Variants in COL25A1 observed in about 807,000 individuals in gnomAD.
COL25A1 encodes the protein collagen type XXV alpha 1 chain.
COL25A1 carries 103 observed loss-of-function variants against 128.4 expected under a neutral mutation model. The observed-to-expected ratio is 0.80, with a 90% CI of 0.68 to 0.94. COL25A1 has a LOEUF of 0.94. Ranked by LOEUF, COL25A1 falls within the 40% of genes least tolerant of loss-of-function variation. The pLI is 0.00. For missense variants in COL25A1, 745 were observed against 840.0 expected (o/e 0.89, Z 1.40); for synonymous variants, 279 against 277.2 (o/e 1.01, Z -0.06).
chr4:108,906,008 G>A (rs1479577817), intron 13 of COL25A1, among the ~76,000 whole-genome samples: 4 of 152,106 alleles, frequency 2.6e-5, no homozygotes, highest in Non-Finnish European at 5.9e-5. Context: ...AGTGGTTAGA[G>A]GCTGACTCTA....
intron 13 of COL25A1, among the ~76,000 whole-genome samples, chr4:108,916,903 T>G (rs1744944400): frequency 6.6e-6 from 1 of 152,170 alleles, no homozygotes; most frequent in East Asian, 1.9e-4. Flanking sequence ...CTGAGAACAT[T>G]AATTTCATGG....
intron 37 of COL25A1, 107 bp from the exon 38 acceptor site, chr4:108,814,036 T>C: frequency 1.2e-6 from 1 of 843,472 alleles, no homozygotes; most frequent in Non-Finnish European, 2.0e-6. Context: ...TTGAATAGAG[T>C]CTATAAGCCA....
chr4:108,965,436 T>G (rs1223719975), intron 8 of COL25A1, among the ~76,000 whole-genome samples: 1 of 152,242 alleles, frequency 6.6e-6, no homozygotes, highest in East Asian at 1.9e-4. Context: ...GATAACTTCA[T>G]GACGTTTCTT....
intron 3 of COL25A1, among the ~76,000 whole-genome samples, chr4:109,199,516 C>T (rs1405868616): frequency 2.0e-5 from 3 of 151,788 alleles, no homozygotes; most frequent in Non-Finnish European, 2.9e-5. Context: ...TTATTTGCCC[C>T]TGAGAAGCAA....
At chr4:109,024,560 C>T (rs1406528110) in intron 5 of COL25A1, among the ~76,000 whole-genome samples, 1 of 151,684 alleles carries the variant, frequency 6.6e-6, no homozygotes, top group East Asian at 1.9e-4. Flanking sequence ...ATAGTGGTTC[C>T]CTACGGATGA....
At chr4:109,126,028 A>C (rs1014940326) in intron 3 of COL25A1, among the ~76,000 whole-genome samples, 12 of 151,992 alleles carry the variant, frequency 7.9e-5, no homozygotes, top group African/African-American at 2.9e-4. Flanking sequence ...TCCTTCACCA[A>C]GTTCTGTAAT....
chr4:108,920,684 C>T, intron 11 of COL25A1, 80 bp from the exon 12 acceptor site: 1 of 956,764 alleles, frequency 1.0e-6, no homozygotes, highest in Non-Finnish European at 1.6e-6. Context: ...GTCCTATTCT[C>T]TAAGATTCTC....
At chr4:109,231,081 G>A (rs919909987) in intron 3 of COL25A1, among the ~76,000 whole-genome samples, 1 of 152,102 alleles carries the variant, frequency 6.6e-6, no homozygotes, top group African/African-American at 2.4e-5. Flanking sequence ...AGAAGTTGCA[G>A]TGAACCGAGA....
intron 3 of COL25A1, among the ~76,000 whole-genome samples, chr4:109,193,362 T>C (rs1775775220): frequency 6.6e-6 from 1 of 152,140 alleles, no homozygotes; most frequent in Non-Finnish European, 1.5e-5. Flanking sequence ...ATTAAGTAAT[T>C]GTTAGTGTGG....
chr4:109,261,322 G>A (rs1781430036), intron 3 of COL25A1, among the ~76,000 whole-genome samples: 1 of 152,102 alleles, frequency 6.6e-6, no homozygotes, highest in Non-Finnish European at 1.5e-5. Flanking sequence ...TTCAAAACCA[G>A]CCTGGTCAAC....
chr4:108,901,239 G>C lies in COL25A1; in HGVS notation c.781-67C>G, dbSNP rs891098333. 9 of 1,062,128 alleles carry C rather than the reference G, an allele frequency of 8.5e-6. No homozygotes were observed. In the African/African-American group the frequency reaches 1.4e-4, roughly 17 times the overall value. The allele number at this position is 1,062,128 out of a possible 1,614,324, so 65.8% of individuals were successfully genotyped here. Reference sequence around the variant, plus strand: ...AATCAATACATTACATGGATCATTAGAGGAGACAGCCATCTAATAATTCTC... The same window carrying C: ...AATCAATACATTACATGGATCATTACAGGAGACAGCCATCTAATAATTCTC... On this transcript the variant is annotated intron_variant, in intron 13 of 37. Coordinates refer to ENST00000399132, the MANE Select transcript of COL25A1 (RefSeq NM_198721.4).
intron 3 of COL25A1, among the ~76,000 whole-genome samples, chr4:109,147,059 T>C (rs1771011885): frequency 1.3e-5 from 2 of 152,188 alleles, no homozygotes; most frequent in Admixed American, 1.3e-4. Context: ...AGAGGAGGCT[T>C]TGGCAAGAGA....
At chr4:109,042,490 A>G (rs980469853) in intron 5 of COL25A1, among the ~76,000 whole-genome samples, 2 of 151,854 alleles carry the variant, frequency 1.3e-5, no homozygotes, top group South Asian at 4.1e-4. Flanking sequence ...TTTTGCTTCT[A>G]TGGTTTGTTA....
At chr4:108,852,390 C>T (rs1223908920) in intron 25 of COL25A1, 110 bp from the exon 26 acceptor site, 3 of 799,446 alleles carry the variant, frequency 3.8e-6, no homozygotes, top group Non-Finnish European at 5.8e-6. Flanking sequence ...AATCAGATCT[C>T]CCCAAATATA....
intron 3 of COL25A1, among the ~76,000 whole-genome samples, chr4:109,215,987 T>C (rs1394612803): frequency 1.3e-5 from 2 of 152,088 alleles, no homozygotes; most frequent in Non-Finnish European, 2.9e-5. Context: ...GCAGCTAGCT[T>C]GCACTGACCA....
chr4:109,045,045 A>T lies in COL25A1; in HGVS notation c.420+3123T>A, dbSNP rs143666768. On this transcript the variant is annotated intron_variant, in intron 5 of 37. Coordinates refer to ENST00000399132, the MANE Select transcript of COL25A1 (RefSeq NM_198721.4). Reference sequence around the variant, plus strand: ...CTCCTCCTCAGATTATTCAATGTGAACATGGTGAGGATGAAGACTTTTGTG... The same window carrying T: ...CTCCTCCTCAGATTATTCAATGTGATCATGGTGAGGATGAAGACTTTTGTG... Among the ~76,000 whole-genome samples, 289 of 152,316 alleles carry T rather than the reference A, an allele frequency of 1.9e-3. 3 individuals carry two copies. The highest frequency in any genetic ancestry group is 6.8e-3 in the African/African-American group (282 of 41,580).
intron 3 of COL25A1, among the ~76,000 whole-genome samples, chr4:109,211,289 ACTATATATATATATATAT>A (rs1777511452): frequency 3.1e-5 from 1 of 32,376 alleles, no homozygotes. Context: ...TATATATGAA[ACTATATATATATATATAT>A]ATATATATAT....
chr4:108,841,930 C>A (rs1333995815), intron 30 of COL25A1, among the ~76,000 whole-genome samples: 1 of 152,112 alleles, frequency 6.6e-6, no homozygotes, highest in Non-Finnish European at 1.5e-5. Flanking sequence ...TCATTAATAG[C>A]AATTCTGTCT....
intron 5 of COL25A1, among the ~76,000 whole-genome samples, chr4:109,022,568 CA>C (rs1757876100): frequency 6.6e-6 from 1 of 152,074 alleles, no homozygotes; most frequent in Non-Finnish European, 1.5e-5. Flanking sequence ...TACATATATA[CA>C]AATGTTTATA....
Sources: gnomAD v4.1 joint callset for allele counts (sites outside exome capture counted in the v4.1 genomes callset) on GRCh38, gnomAD v4.1.1 for gene constraint, MANE v1.5 for transcripts, NCBI Gene and HGNC (gene_info 2026-07-23, HGNC 2026-07-21) for gene names.